PCDHGA12: variants seen among roughly 807,000 people sequenced by gnomAD.
PCDHGA12 encodes protocadherin gamma-A12.
Under a neutral mutation model 61.1 loss-of-function variants are expected in PCDHGA12, and 43 were observed. That is an observed-to-expected ratio of 0.70 (90% CI 0.55 to 0.91). The LOEUF (loss-of-function observed/expected upper bound fraction) is 0.91, where lower values mean the gene tolerates loss of function less well. Among genes scored for constraint, PCDHGA12 ranks in the 40% least tolerant of loss-of-function variants. PCDHGA12 has a pLI of 0.00. For synonymous variants in PCDHGA12, 520 were observed against 542.9 expected, an observed-to-expected ratio of 0.96 and a Z score of 0.59; for missense variants, 1,236 against 1,227.7, an observed-to-expected ratio of 1.01 and a Z score of -0.10.
At chr5:141,466,123 A>G (rs961197575) in intron 1 of PCDHGA12, among the ~76,000 whole-genome samples, 1 of 151,364 alleles carries the variant, frequency 6.6e-6, no homozygotes, top group African/African-American at 2.4e-5. Flanking sequence ...CTCCAGCTCA[A>G]AAAAAAAATC....
At chr5:141,433,404 TATTA>T (rs142533293) in intron 1 of PCDHGA12, among the ~76,000 whole-genome samples, 252 of 146,310 alleles carry the variant, frequency 1.7e-3, no homozygotes, top group African/African-American at 6.2e-3. Context: ...TCTATCTATC[TATTA>T]CTTTCTTGTA....
At chr5:141,450,006 C>CTTT (rs1554136305) in intron 1 of PCDHGA12, among the ~76,000 whole-genome samples, 1 of 132,986 alleles carries the variant, frequency 7.5e-6, no homozygotes, top group Non-Finnish European at 1.6e-5. Context: ...TGCCATGTCT[C>CTTT]TTTTTTTTTT....
rs762574320 is a variant in PCDHGA12, at chr5:141,485,926, G to A, written c.2425-8881G>A. The A allele has an allele frequency of 2.0e-5, 32 of 1,614,090 alleles. No individual in the cohort carries two copies. Among genetic ancestry groups the A allele is most frequent in the Admixed American group, 1.2e-4 (7 of 60,006 alleles). ...AGCAATCCAGCTACAGGATTAGTGT[G>A]TTGGAGAGCGCACCAGCGGGCATGG... On this transcript the variant is annotated intron_variant, in intron 1 of 3. Transcript: ENST00000252085. The surrounding 1 kb of genome is among the most constrained non-coding windows in gnomAD (Gnocchi z 5.7).
chr5:141,501,333 A>ACACACACC (rs1186649373), intron 2 of PCDHGA12, among the ~76,000 whole-genome samples: 1 of 140,020 alleles, frequency 7.1e-6, no homozygotes, highest in African/African-American at 2.6e-5. Context: ...ACACACACAC[A>ACACACACC]CCCCAAACTC....
rs775963212 is a variant in PCDHGA12, at chr5:141,485,463, G to T, written c.2425-9344G>T. ...CCAATCGACCGAGAGGCACTGTGTG[G>T]GCTCAGTGCCAGCTGCATCGTGCCC... On this transcript the variant is annotated intron_variant, in intron 1 of 3. Coordinates refer to ENST00000252085, the MANE Select transcript of PCDHGA12 (RefSeq NM_003735.3). The surrounding 1 kb of genome is among the most constrained non-coding windows in gnomAD (Gnocchi z 5.7). The T allele has an allele frequency of 1.2e-6, 2 of 1,614,086 alleles. No individual in the cohort carries two copies. The highest frequency in any genetic ancestry group is 3.3e-5 in the Admixed American group (2 of 60,026).
intron 1 of PCDHGA12, among the ~76,000 whole-genome samples, chr5:141,482,207 G>T (rs983812650): frequency 6.6e-6 from 1 of 152,130 alleles, no homozygotes; most frequent in East Asian, 1.9e-4. Flanking sequence ...AAACAGACCA[G>T]GTACTTGTTT....
chr5:141,474,967 T>G (rs745581213), intron 1 of PCDHGA12, among the ~76,000 whole-genome samples: 6 of 152,252 alleles, frequency 3.9e-5, no homozygotes, highest in Non-Finnish European at 7.3e-5. Context: ...TCCTAATCAT[T>G]ATAATTTTGT....
At position 141,477,386 on chromosome 5, in the gene PCDHGA12, A is replaced by C; in HGVS notation, c.2425-17421A>C. 1 of 1,614,116 alleles carries C rather than the reference A, an allele frequency of 6.2e-7. No homozygotes were observed. Among genetic ancestry groups the C allele is most frequent in the South Asian group, 1.1e-5 (1 of 91,080 alleles). On this transcript the variant is annotated intron_variant, in intron 1 of 3. Coordinates refer to ENST00000252085, the MANE Select transcript of PCDHGA12 (RefSeq NM_003735.3). The surrounding 1 kb of genome is among the most constrained non-coding windows in gnomAD (Gnocchi z 4.9). ...GGATCGGGAGACTGTGCCAGAATAC[A>C]ACCTCAGCATCACCGCCCGAGACGC...
intron 1 of PCDHGA12, among the ~76,000 whole-genome samples, chr5:141,482,530 C>CAAAAAAAAAAAAAA (rs3074545): frequency 1.2e-4 from 9 of 76,558 alleles, no homozygotes; most frequent in African/African-American, 3.8e-4. Flanking sequence ...GACAGACATG[C>CAAAAAAAAAAAAAA]AAAAAAAAAA....
At chr5:141,451,954 G>A (rs2098729151) in intron 1 of PCDHGA12, among the ~76,000 whole-genome samples, 1 of 152,084 alleles carries the variant, frequency 6.6e-6, no homozygotes, top group Non-Finnish European at 1.5e-5. Flanking sequence ...CCGAGAAAGT[G>A]ACATACCATC....
chr5:141,506,584 G>A (rs1413313164), intron 3 of PCDHGA12, among the ~76,000 whole-genome samples: 1 of 152,098 alleles, frequency 6.6e-6, no homozygotes, highest in African/African-American at 2.4e-5. Context: ...ACTATTAATG[G>A]GCACAGTATT....
rs527514615 is a variant in PCDHGA12 at position 141,485,941 on chromosome 5, A to G, written c.2425-8866A>G. ...GGATTAGTGTGTTGGAGAGCGCACC[A>G]GCGGGCATGGTGCTCATCCAGCTCA... is the stretch of plus-strand genomic sequence containing the variant. On this transcript the variant is annotated intron_variant, in intron 1 of 3. Coordinates refer to ENST00000252085, the MANE Select transcript of PCDHGA12 (RefSeq NM_003735.3). This position sits in a 1 kb window ranked among gnomAD's most constrained non-coding sequence, Gnocchi z 5.7. The G allele has an allele frequency of 2.5e-6, 4 of 1,614,180 alleles. No homozygotes were observed. The highest frequency in any genetic ancestry group is 2.7e-5 in the African/African-American group (2 of 75,032).
At position 141,485,632 on chromosome 5, in the gene PCDHGA12, G is replaced by C; in HGVS notation, c.2425-9175G>C. 6.2e-7 allele frequency: 1 copy of C among 1,611,766 alleles called. No individual in the cohort carries two copies. The highest frequency in any genetic ancestry group is 8.5e-7 in the Non-Finnish European group (1 of 1,178,342). ...CAGCTCCTCCAGGACAGCGTTTCCC[G>C]TTGGAAAAGGCTCAGGATGCAGATG... is the stretch of plus-strand genomic sequence containing the variant. On this transcript the variant is annotated intron_variant, in intron 1 of 3. Coordinates refer to ENST00000252085, the MANE Select transcript of PCDHGA12 (RefSeq NM_003735.3). This position sits in a 1 kb window ranked among gnomAD's most constrained non-coding sequence, Gnocchi z 5.7.
At chr5:141,458,437 C>T (rs777855535) in intron 1 of PCDHGA12, among the ~76,000 whole-genome samples, 1 of 152,026 alleles carries the variant, frequency 6.6e-6, no homozygotes, top group Non-Finnish European at 1.5e-5. Flanking sequence ...AGAGGAGGTC[C>T]CCCACATTAA....
At position 141,433,052 on chromosome 5, in the gene PCDHGA12, A is replaced by G. The variant is rs757503771; in HGVS notation, c.2293A>G (p.Lys765Glu). The G allele has an allele frequency of 3.1e-6, 5 of 1,614,178 alleles. No individual in the cohort carries two copies. In the Admixed American group the frequency reaches 8.3e-5, roughly 27 times the overall value. The part of the protein sequence containing the change: ...HEVSLTTDSR[K>E]SHLIFPQPNY... ...GGTTTCCCTCACCACGGACTCGCGG[A>G]AGAGTCACCTGATCTTCCCCCAGCC... Residue 765 changes from lysine (K) to glutamate (E), a missense_variant, in exon 1 of 4, where the codon AAG becomes GAG. Physicochemically the swap from Lys to Glu is moderately conservative, Grantham distance 56. Transcript: ENST00000252085.
At chr5:141,504,476 A>G (rs998883721) in intron 2 of PCDHGA12, among the ~76,000 whole-genome samples, 4 of 152,016 alleles carry the variant, frequency 2.6e-5, no homozygotes, top group African/African-American at 9.7e-5. Context: ...GGATGGGAGT[A>G]CAGTGGAGGC....
chr5:141,438,806 C>T (rs866521707), intron 1 of PCDHGA12, among the ~76,000 whole-genome samples: 20 of 149,390 alleles, frequency 1.3e-4, no homozygotes, highest in Admixed American at 6.7e-4. Flanking sequence ...GGATTACAGG[C>T]GCCTGTCACC....
At chr5:141,473,369 G>A (rs888984972) in intron 1 of PCDHGA12, among the ~76,000 whole-genome samples, 1 of 152,200 alleles carries the variant, frequency 6.6e-6, no homozygotes, top group African/African-American at 2.4e-5. Context: ...CACCAAAATA[G>A]CATGGTCCCT....
At chr5:141,454,953 G>A (rs1304192945) in intron 1 of PCDHGA12, among the ~76,000 whole-genome samples, 4 of 150,686 alleles carry the variant, frequency 2.7e-5, no homozygotes, top group Admixed American at 6.6e-5. Context: ...GACTACAGGC[G>A]CCGGCCACCA....
Sources: allele counts gnomAD v4.1 joint callset (sites outside exome capture counted in the v4.1 genomes callset), GRCh38; gene constraint gnomAD v4.1.1; non-coding constraint Gnocchi (gnomAD v3.1); transcripts MANE v1.5; gene names NCBI Gene and HGNC (gene_info 2026-07-23, HGNC 2026-07-21).